The following IGF1 variants were observed in gnomAD, a reference collection of about 807,000 sequenced individuals.
IGF1 encodes the protein insulin like growth factor 1, also known as insulin-like growth factor 1.
IGF1 carries 4 observed loss-of-function variants against 13.8 expected under a neutral mutation model. The ratio of observed to expected loss-of-function variants is 0.29; its 90% CI spans 0.14 to 0.66. IGF1 has a LOEUF of 0.66. Among genes scored for constraint, IGF1 ranks in the 30% least tolerant of loss-of-function variants. IGF1 has a pLI of 0.78. For synonymous variants in IGF1, 76 were observed against 72.6 expected, an observed-to-expected ratio of 1.05 and a Z score of -0.23; for missense variants, 124 against 188.5, an observed-to-expected ratio of 0.66 and a Z score of 2.00.
At position 102,419,555 on chromosome 12, in the gene IGF1, C is replaced by T. The variant is rs539899150; in HGVS notation, c.356G>A (p.Arg119His). 102 of 1,613,730 alleles carry T rather than the reference C, an allele frequency of 6.3e-5. No individual in the cohort carries two copies. The highest frequency in any genetic ancestry group is 8.1e-5 in the Non-Finnish European group (96 of 1,179,996). Residue 119 changes from arginine (R) to histidine (H), a missense_variant, in exon 3 of 4, where the codon CGC becomes CAC. Coordinates refer to ENST00000337514, the MANE Select transcript of IGF1 (RefSeq NM_000618.5). ...CAPLKPAKSA[R>H]SVRAQRHTDM... ...GGTGTGGCGCTGGGCACGGACAGAG[C>T]GAGCTGACTTGGCAGGCTTGAGGGG... is the stretch of plus-strand genomic sequence containing the variant.
intron 2 of IGF1, among the ~76,000 whole-genome samples, chr12:102,462,199 T>G (rs541817326): frequency 6.6e-6 from 1 of 152,308 alleles, no homozygotes; most frequent in African/African-American, 2.4e-5. Context: ...TCAAACCAAT[T>G]AGCCCGTTGT....
chr12:102,450,099 T>C (rs1399382180), intron 2 of IGF1, among the ~76,000 whole-genome samples: 1 of 152,192 alleles, frequency 6.6e-6, no homozygotes, highest in Non-Finnish European at 1.5e-5. Context: ...ATATCTGTTT[T>C]AGAGGAGTGA....
intron 2 of IGF1, among the ~76,000 whole-genome samples, chr12:102,459,036 T>G (rs1266135314): frequency 6.7e-6 from 1 of 149,740 alleles, no homozygotes; most frequent in African/African-American, 2.5e-5. Flanking sequence ...TGGTGGGGGG[T>G]TTTTGGTAAA....
In IGF1 at chr12:102,402,342, A is replaced by G; in HGVS notation, c.*165T>C. The stretch of plus-strand genomic sequence containing the variant: ...TGCAAGGTGCAAATCACTCCTAAAG[A>G]CAATGTTGGAATGTTTACTTGTGTA... On this transcript the variant is annotated 3_prime_UTR_variant, in exon 4 of 4. Transcript: ENST00000337514. The G allele has an allele frequency of 1.4e-6, 1 of 713,752 alleles. No individual in the cohort carries two copies. Among genetic ancestry groups the G allele is most frequent in the South Asian group, 1.6e-5 (1 of 64,432 alleles). The allele number at this position is 713,752 out of a possible 1,614,324, so 44.2% of individuals were successfully genotyped here.
intron 2 of IGF1, among the ~76,000 whole-genome samples, chr12:102,420,446 A>G (rs1875602384): frequency 6.6e-6 from 1 of 152,234 alleles, no homozygotes; most frequent in Non-Finnish European, 1.5e-5. Context: ...AAGTATGAAT[A>G]ATGCATAGCA....
At chr12:102,432,847 AATACATAC>A (rs80335999) in intron 2 of IGF1, among the ~76,000 whole-genome samples, 180 of 152,020 alleles carry the variant, frequency 1.2e-3, no homozygotes, top group Admixed American at 2.6e-3. Flanking sequence ...GTATAATAAA[AATACATAC>A]ATACATACAT....
chr12:102,478,777 G>T (rs1881232300), intron 1 of IGF1: 1 of 574,990 alleles, frequency 1.7e-6, no homozygotes, highest in Non-Finnish European at 2.6e-6. Context: ...TATTGTAGCA[G>T]CCCAGATAGT....
intron 2 of IGF1, among the ~76,000 whole-genome samples, chr12:102,420,482 G>A (rs768863845): frequency 1.1e-4 from 16 of 152,302 alleles, no homozygotes; most frequent in Non-Finnish European, 2.1e-4. Context: ...AGTGTAAGTC[G>A]TAAGTAAATC....
chr12:102,419,455 T>C (rs1875468922), intron 3 of IGF1, 54 bp downstream of exon 3: 1 of 1,566,826 alleles, frequency 6.4e-7, no homozygotes, highest in South Asian at 1.2e-5. Context: ...CCCACCCACA[T>C]GCACAAGAGA....
At chr12:102,426,080 T>A (rs1876175755) in intron 2 of IGF1, among the ~76,000 whole-genome samples, 2 of 152,206 alleles carry the variant, frequency 1.3e-5, no homozygotes, top group African/African-American at 4.8e-5. Flanking sequence ...ATTGTTTGTA[T>A]TATTTAGAAC....
chr12:102,411,595 C>G (rs1874644945), intron 3 of IGF1, among the ~76,000 whole-genome samples: 1 of 152,198 alleles, frequency 6.6e-6, no homozygotes, highest in African/African-American at 2.4e-5. Flanking sequence ...CTTGGTCTTT[C>G]ACTGGGAACT....
rs1046691284 is a variant in IGF1 at position 102,398,190 on chromosome 12, C to T, written c.*4317G>A. ...AATTCTTTCTTTATCAGTAGATAAC[C>T]CCCATCTCATAAGGAAATACTTTCC... On this transcript the variant is annotated 3_prime_UTR_variant, in exon 4 of 4. Coordinates refer to ENST00000337514, the MANE Select transcript of IGF1 (RefSeq NM_000618.5). 1 of 152,348 alleles carries T rather than the reference C, an allele frequency of 6.6e-6. No individual in the cohort carries two copies. The highest frequency in any genetic ancestry group is 2.1e-4 in the South Asian group (1 of 4,822). 9.4% of individuals were successfully genotyped at this position (152,348 alleles called of 1,614,324 possible).
rs1873552628 is a variant in IGF1 at position 102,400,072 on chromosome 12, G to C, written c.*2435C>G. 6.6e-6 allele frequency: 1 copy of C among 151,512 alleles called. No homozygotes were observed. The allele number at this position is 151,512 out of a possible 1,614,324, so 9.4% of individuals were successfully genotyped here. On this transcript the variant is annotated 3_prime_UTR_variant, in exon 4 of 4. Transcript: ENST00000337514. The stretch of plus-strand genomic sequence containing the variant: ...GTTAAAATACTTGTTGACTGAACAG[G>C]ATTGCTGGCTCCACTAAATGGGGCC...
At chr12:102,419,171 T>A (rs1875440641) in intron 3 of IGF1, among the ~76,000 whole-genome samples, 1 of 152,216 alleles carries the variant, frequency 6.6e-6, no homozygotes, top group African/African-American at 2.4e-5. Context: ...ATGTTACTGA[T>A]GAAACTGAGG....
chr12:102,470,674 A>G (rs559740706), intron 2 of IGF1, among the ~76,000 whole-genome samples: 83 of 152,196 alleles, frequency 5.5e-4, no homozygotes, highest in Admixed American at 9.2e-4. Flanking sequence ...ACAGATGCAT[A>G]GCAGGCAGTC....
chr12:102,409,863 T>C (rs1393265777), intron 3 of IGF1, among the ~76,000 whole-genome samples: 1 of 152,234 alleles, frequency 6.6e-6, no homozygotes, highest in Admixed American at 6.5e-5. Flanking sequence ...ATATCAGCTA[T>C]TATGATTCTT....
chr12:102,451,078 A>G (rs1878873232), intron 2 of IGF1, among the ~76,000 whole-genome samples: 1 of 152,234 alleles, frequency 6.6e-6, no homozygotes, highest in Non-Finnish European at 1.5e-5. Flanking sequence ...GTCAAAACAT[A>G]CACTCTAAAG....
chr12:102,430,358 G>T (rs550331121), intron 2 of IGF1, among the ~76,000 whole-genome samples: 4 of 152,230 alleles, frequency 2.6e-5, no homozygotes, highest in African/African-American at 9.6e-5. Context: ...CTCCTGCTGG[G>T]TATGGTCTTT....
intron 3 of IGF1, among the ~76,000 whole-genome samples, chr12:102,406,725 C>T (rs781266158): frequency 5.9e-5 from 9 of 152,112 alleles, no homozygotes; most frequent in Non-Finnish European, 1.2e-4. Flanking sequence ...AGGCCATTCA[C>T]CTTCTCCCAT....
Sources: gnomAD v4.1 joint callset for allele counts (sites outside exome capture counted in the v4.1 genomes callset) on GRCh38, gnomAD v4.1.1 for gene constraint, MANE v1.5 for transcripts, NCBI Gene and HGNC (gene_info 2026-07-23, HGNC 2026-07-21) for gene names.